Variants in GRIP1 observed in about 807,000 individuals in gnomAD.
The protein encoded by GRIP1 is glutamate receptor-interacting protein 1.
In GRIP1, 45 loss-of-function variants were observed where a neutral mutation model predicts 129.9. The ratio of observed to expected loss-of-function variants is 0.35; its 90% confidence interval spans 0.27 to 0.44. GRIP1 has a LOEUF of 0.44. Ranked by LOEUF, GRIP1 falls within the 20% of genes least tolerant of loss-of-function variation. The probability of loss-of-function intolerance (pLI) is 1.00; values close to 1 mark genes in which losing one functional copy is unlikely to be tolerated. For synonymous variants in GRIP1, 530 were observed against 520.8 expected (o/e 1.02, Z -0.24); for missense variants, 1,196 against 1,396.8 (o/e 0.86, Z 2.29).
At position 66,380,849 on chromosome 12, in the gene GRIP1, T is replaced by TGCA. The variant is rs773787939; in HGVS notation, c.2465-1414_2465-1413insTGC. 7.1e-4 allele frequency among the ~76,000 whole-genome samples: 108 copies of TGCA among 152,292 alleles called. 1 individual carries two copies. The highest frequency in any genetic ancestry group is 1.2e-3 in the Non-Finnish European group (80 of 68,034). On this transcript the variant is annotated intron_variant, in intron 19 of 24. Coordinates refer to ENST00000359742, the MANE Select transcript of GRIP1 (RefSeq NM_001366722.1). ...TGTGACTTGTGTGTGTGCATGTGTA[T>TGCA]TTACATGGATGCGCTGGCTTGGAAT...
At chr12:66,624,532 A>C (rs1037019325) in intron 1 of GRIP1, among the ~76,000 whole-genome samples, 2 of 152,160 alleles carry the variant, frequency 1.3e-5, no homozygotes, top group African/African-American at 4.8e-5. Context: ...TTCTCTCTGA[A>C]TGCATTAGAG....
rs185914922 is a variant in GRIP1, at chr12:66,840,500, C to T, written c.58+228550G>A. 4.6e-5 allele frequency among the ~76,000 whole-genome samples: 7 copies of T among 152,218 alleles called. No homozygotes were observed. The East Asian group carries it at 5.8e-4, about 13-fold the overall frequency. Reference sequence around the variant, plus strand: ...GGGAAGGAACAAGATCATTAGACAACGACAGTAAGGGCTGCACTGTTAATG... The same window carrying T: ...GGGAAGGAACAAGATCATTAGACAATGACAGTAAGGGCTGCACTGTTAATG... On this transcript the variant is annotated intron_variant, in intron 1 of 1. Coordinates refer to the GRIP1 transcript ENST00000643019.
Position 66,427,422 on chromosome 12 carries a change from TA to T in GRIP1, c.1768+5125del, listed in dbSNP as rs913016353. 2.2e-4 allele frequency among the ~76,000 whole-genome samples: 34 copies of T among 151,632 alleles called. No individual in the cohort carries two copies. The East Asian group carries it at 4.8e-3, about 22-fold the overall frequency. On this transcript the variant is annotated intron_variant, in intron 14 of 24. Coordinates refer to ENST00000359742, the MANE Select transcript of GRIP1 (RefSeq NM_001366722.1). ...GCACCACCCCCCAAACATAGAAGTA[TA>T]AAAAAAATAGTATTTTCAAGGGAAA...
At chr12:66,960,345 G>T (rs1350438907) in intron 1 of GRIP1, among the ~76,000 whole-genome samples, 3 of 152,158 alleles carry the variant, frequency 2.0e-5, no homozygotes, top group Non-Finnish European at 2.9e-5. Flanking sequence ...GGTAGGGTTG[G>T]AATGCAAAAC....
chr12:66,423,477 T>C (rs1053602777), intron 14 of GRIP1, among the ~76,000 whole-genome samples: 1 of 152,218 alleles, frequency 6.6e-6, no homozygotes, highest in Non-Finnish European at 1.5e-5. Context: ...CTCACTGAGT[T>C]GCCTCACCCA....
chr12:66,432,663 A>T, intron 13 of GRIP1, 35 bp from the exon 14 acceptor site: 1 of 1,143,786 alleles, frequency 8.7e-7, no homozygotes, highest in Non-Finnish European at 1.3e-6. Flanking sequence ...TGTTAATAGA[A>T]CACTGAGGAC....
intron 15 of GRIP1, among the ~76,000 whole-genome samples, chr12:66,413,625 C>G (rs1350392721): frequency 1.3e-5 from 2 of 152,110 alleles, no homozygotes; most frequent in African/African-American, 2.4e-5. Context: ...ATACCAAAAC[C>G]TGGGAGAGAT....
chr12:66,710,271 C>T (rs1453512067), intron 1 of GRIP1, among the ~76,000 whole-genome samples: 2 of 151,946 alleles, frequency 1.3e-5, no homozygotes, highest in African/African-American at 2.4e-5. Flanking sequence ...ACAAAATGCA[C>T]TCTGCCCTTT....
chr12:66,718,858 A>G (rs2035973284), intron 1 of GRIP1, among the ~76,000 whole-genome samples: 2 of 152,078 alleles, frequency 1.3e-5, no homozygotes. Context: ...ATCTCAAAAA[A>G]TAAAATAAAA....
At chr12:66,795,544 CTTACA>C (rs1382433216) in intron 1 of GRIP1, among the ~76,000 whole-genome samples, 1 of 152,180 alleles carries the variant, frequency 6.6e-6, no homozygotes, top group East Asian at 1.9e-4. Context: ...GGAATTTCAT[CTTACA>C]TTAAATTTAT....
chr12:66,643,916 T>C (rs1021755795), intron 1 of GRIP1, among the ~76,000 whole-genome samples: 3 of 152,158 alleles, frequency 2.0e-5, no homozygotes, highest in Non-Finnish European at 4.4e-5. Flanking sequence ...CCATATGTAT[T>C]AGTCCATTTT....
intron 1 of GRIP1, among the ~76,000 whole-genome samples, chr12:66,718,038 T>A (rs186050279): frequency 3.2e-4 from 49 of 152,242 alleles, no homozygotes; most frequent in African/African-American, 1.1e-3. Context: ...TCCATGGAGA[T>A]CTATCTCCGG....
chr12:66,382,524 G>T (rs972836157), intron 19 of GRIP1, among the ~76,000 whole-genome samples: 2 of 152,138 alleles, frequency 1.3e-5, no homozygotes, highest in African/African-American at 2.4e-5. Flanking sequence ...GAAGAAGAAT[G>T]AATGCACACC....
At chr12:66,556,922 A>T (rs959945561) in intron 2 of GRIP1, among the ~76,000 whole-genome samples, 3 of 152,084 alleles carry the variant, frequency 2.0e-5, no homozygotes, top group African/African-American at 7.2e-5. Context: ...AAAAAAAATA[A>T]GACCACAAAA....
At chr12:66,903,083 G>C (rs1048239585) in intron 1 of GRIP1, among the ~76,000 whole-genome samples, 1 of 151,616 alleles carries the variant, frequency 6.6e-6, no homozygotes, top group Admixed American at 6.6e-5. Context: ...TCTGAAATAA[G>C]ACAAAACTAC....
rs961920118 is a variant in GRIP1 at position 66,921,355 on chromosome 12, A to G, written c.58+147695T>C. 1.1e-4 allele frequency among the ~76,000 whole-genome samples: 16 copies of G among 152,358 alleles called. No individual in the cohort carries two copies. In the East Asian group the frequency reaches 3.1e-3, roughly 29 times the overall value. ...ACTGCTCCTGGCTCCTGACATGTCA[A>G]TACATAAGATCAGTACACAAGAACA... On this transcript the variant is annotated intron_variant, in intron 1 of 1. Coordinates refer to the GRIP1 transcript ENST00000643019.
intron 1 of GRIP1, among the ~76,000 whole-genome samples, chr12:66,905,443 G>A (rs892420853): frequency 1.3e-5 from 2 of 152,190 alleles, no homozygotes; most frequent in Non-Finnish European, 2.9e-5. Context: ...AGGATACTGA[G>A]AAACAGACAA....
intron 1 of GRIP1, among the ~76,000 whole-genome samples, chr12:66,658,841 T>A (rs2033329435): frequency 6.6e-6 from 1 of 151,898 alleles, no homozygotes; most frequent in Non-Finnish European, 1.5e-5. Context: ...GGAAGATTGC[T>A]TCAGCCTGGG....
intron 1 of GRIP1, among the ~76,000 whole-genome samples, chr12:66,752,362 T>G (rs919012413): frequency 9.2e-5 from 14 of 152,176 alleles, no homozygotes; most frequent in African/African-American, 3.4e-4. Context: ...ATTTAAAGTG[T>G]TTTCTAGTTT....
Sources: gnomAD v4.1 joint callset for allele counts (sites outside exome capture counted in the v4.1 genomes callset) on GRCh38, gnomAD v4.1.1 for gene constraint, MANE v1.5 for transcripts, NCBI Gene and HGNC (gene_info 2026-07-23, HGNC 2026-07-21) for gene names.